The following PHF6 variants were observed in gnomAD, a reference collection of about 807,000 sequenced individuals.
The protein encoded by PHF6 is PHD finger protein 6.
In PHF6, 7 loss-of-function variants were observed where a neutral mutation model predicts 34.0. The ratio of observed to expected loss-of-function variants is 0.21; its 90% CI spans 0.12 to 0.39. The LOEUF is 0.39. PHF6 is among the 10% of genes least tolerant of loss of function. PHF6 has a pLI of 1.00. For missense variants in PHF6, 128 were observed against 262.8 expected, an observed-to-expected ratio of 0.49 and a Z score of 3.55; for synonymous variants, 89 against 88.4, an observed-to-expected ratio of 1.01 and a Z score of -0.04.
intron 2 of PHF6, 29 bp from the exon 3 acceptor site, chrX:134,377,976 C>A (rs1273040144): frequency 9.3e-7 from 1 of 1,075,880 alleles, no homozygotes; most frequent in African/African-American, 1.9e-5. Context: ...TATATATGAA[C>A]CTTAATTTTT....
rs2124248594 is a variant in PHF6, at chrX:134,413,671, A to C, written c.585+14A>C. 3 of 1,207,607 alleles carry C rather than the reference A, an allele frequency of 2.5e-6. No individual in the cohort carries two copies. Among genetic ancestry groups the C allele is most frequent in the Admixed American group, 2.2e-5 (1 of 45,990 alleles). ...AGTAGTTCCTATGTAAGTAAAAAAA[A>C]CTGTTGGATTCTTACTTTTGTTGCA... On this transcript the variant is annotated intron_variant, in intron 6 of 10. Coordinates refer to ENST00000370803, the MANE Select transcript of PHF6 (RefSeq NM_001015877.2).
chrX:134,394,962 C>T (rs2077371388), intron 5 of PHF6, among the ~76,000 whole-genome samples: 2 of 109,056 alleles, frequency 1.8e-5, no homozygotes, highest in Admixed American at 9.8e-5. Context: ...AAGCGATTCT[C>T]CTGCCTCGGC....
intron 4 of PHF6, 70 bp from the exon 5 acceptor site, chrX:134,393,839 G>A (rs2077365254): frequency 2.1e-5 from 22 of 1,033,152 alleles, no homozygotes; most frequent in East Asian, 9.1e-5. Flanking sequence ...TGTACTGCTC[G>A]TTTTCTTAAT....
At chrX:134,383,230 G>A (rs1388334794) in intron 3 of PHF6, among the ~76,000 whole-genome samples, 6 of 105,742 alleles carry the variant, frequency 5.7e-5, no homozygotes, top group African/African-American at 2.1e-4. Flanking sequence ...GTGATAAAGT[G>A]AGGTCCTGTC....
chrX:134,389,805 T>C (rs2077345786), intron 3 of PHF6, among the ~76,000 whole-genome samples: 2 of 111,626 alleles, frequency 1.8e-5, no homozygotes, highest in Non-Finnish European at 3.8e-5. Flanking sequence ...TCAGAATGTT[T>C]AAATATTTTT....
In PHF6 at chrX:134,417,562, A is replaced by AT; in HGVS notation, c.968+260_968+261insT. 1.0e-5 allele frequency: 3 copies of AT among 294,043 alleles called. No homozygotes were observed. In the Middle Eastern group the frequency reaches 3.2e-3, roughly 316 times the overall value. The allele number at this position is 294,043 out of a possible 1,213,427, so 24.2% of individuals were successfully genotyped here. A position where few individuals can be genotyped will look rare whatever the true frequency, so the allele number is the denominator to read the frequency against. On this transcript the variant is annotated intron_variant, in intron 9 of 10. Coordinates refer to ENST00000370803, the MANE Select transcript of PHF6 (RefSeq NM_001015877.2). ...TGAAGCTGGGCATATGCCAGTGATC[A>AT]AAACTACATACACTGGGCCGGGTGC...
At chrX:134,377,844 CAAAA>C in intron 2 of PHF6, 89 bp downstream of exon 2, 4 of 980,007 alleles carry the variant, frequency 4.1e-6, no homozygotes, top group Non-Finnish European at 4.2e-6. Context: ...AAAAAAAAAA[CAAAA>C]ACCAAAAAAA....
chrX:134,424,567 G>T (rs894833386), intron 9 of PHF6, among the ~76,000 whole-genome samples: 2 of 112,013 alleles, frequency 1.8e-5, no homozygotes, highest in Non-Finnish European at 3.8e-5. Context: ...TCCAGAATTT[G>T]CTACAGTTGA....
intron 5 of PHF6, among the ~76,000 whole-genome samples, chrX:134,400,113 C>G (rs2077396949): frequency 9.0e-6 from 1 of 111,459 alleles, no homozygotes; most frequent in African/African-American, 3.3e-5. Context: ...GGGTCTCACT[C>G]TATCACGCAG....
chrX:134,402,618 C>T (rs781349481), intron 5 of PHF6, among the ~76,000 whole-genome samples: 4 of 111,571 alleles, frequency 3.6e-5, no homozygotes, highest in Non-Finnish European at 5.6e-5. Context: ...AAAAATAATG[C>T]GTGTACAACT....
At chrX:134,402,465 T>C (rs927526552) in intron 5 of PHF6, among the ~76,000 whole-genome samples, 2 of 112,005 alleles carry the variant, frequency 1.8e-5, no homozygotes, top group Admixed American at 1.9e-4. Flanking sequence ...TGTATTTGAA[T>C]CTTAGCTCTG....
intron 5 of PHF6, among the ~76,000 whole-genome samples, chrX:134,395,115 A>G (rs1228224484): frequency 2.7e-5 from 3 of 111,236 alleles, no homozygotes; most frequent in Non-Finnish European, 5.7e-5. Flanking sequence ...GGCCTCCCAA[A>G]GTGCTGGGAT....
intron 5 of PHF6, among the ~76,000 whole-genome samples, chrX:134,412,483 T>C (rs1366816789): frequency 8.9e-6 from 1 of 111,784 alleles, no homozygotes; most frequent in African/African-American, 3.2e-5. Flanking sequence ...TGCTTTCTCA[T>C]TGAGAAATTA....
rs1264141469 is a variant in PHF6 at position 134,427,214 on chromosome X, A to T, written c.*1554A>T. 5 of 162,860 alleles carry T rather than the reference A, an allele frequency of 3.1e-5. No homozygotes were observed. The highest frequency in any genetic ancestry group is 6.0e-5 in the African/African-American group (2 of 33,285). The allele number at this position is 162,860 out of a possible 1,213,427, so 13.4% of individuals were successfully genotyped here. A position where few individuals can be genotyped will look rare whatever the true frequency, so the allele number is the denominator to read the frequency against. On this transcript the variant is annotated 3_prime_UTR_variant, in exon 11 of 11. Transcript: ENST00000370803. ...TAGCTTTAGTAGTGGGTTGCCCTGT[A>T]TGTTTTCTCTTTTTGCTCTTAATAT...
chrX:134,378,044 G>T lies in PHF6; in HGVS notation c.178G>T (p.Glu60Ter). The change falls in exon 3 of 11, where the codon GAA becomes TAA. Residue 60 changes from glutamate to a stop codon, truncating the protein, a stop_gained. Transcript: ENST00000370803. LOFTEE classifies it high-confidence loss of function. Reference protein sequence around the residue: ...SALVSSHSDNESLGGFSIEDV... With the variant: ...SALVSSHSDN ...TTTGGTATCATCACACTCTGATAAT[G>T]AAAGTCTTGGTGGATTTTCTATTGA... is the stretch of plus-strand genomic sequence containing the variant. 8.3e-7 allele frequency: 1 copy of T among 1,202,947 alleles called. No individual in the cohort carries two copies. The highest frequency in any genetic ancestry group is 1.8e-5 in the South Asian group (1 of 55,502).
At chrX:134,392,821 A>G (rs961500828) in intron 3 of PHF6, among the ~76,000 whole-genome samples, 1 of 106,201 alleles carries the variant, frequency 9.4e-6, no homozygotes, top group African/African-American at 3.5e-5. Flanking sequence ...TTTTTTTTAG[A>G]CGGAGTCTCG....
At chrX:134,375,811 A>G (rs1208385950) in intron 1 of PHF6, among the ~76,000 whole-genome samples, 2 of 112,422 alleles carry the variant, frequency 1.8e-5, no homozygotes, top group East Asian at 5.5e-4. Context: ...CTCTTGATAA[A>G]GCAACCGAAC....
chrX:134,416,531 A>T lies in PHF6; in HGVS notation c.835-638A>T, dbSNP rs773475712. Among the ~76,000 whole-genome samples the T allele has an allele frequency of 8.3e-4, 93 of 111,409 alleles. 1 individual carries two copies. The highest frequency in any genetic ancestry group is 1.5e-3 in the Non-Finnish European group (79 of 53,042). On this transcript the variant is annotated intron_variant, in intron 8 of 10. Transcript: ENST00000370803. Reference sequence around the variant, plus strand: ...ATAAAAGGGCATCTAGATTTCAATAAACTTGAAAACTGTTTACTCTGTGCC... The same window carrying T: ...ATAAAAGGGCATCTAGATTTCAATATACTTGAAAACTGTTTACTCTGTGCC...
In PHF6 at chrX:134,405,312, C is replaced by T. The variant is rs1335909004; in HGVS notation, c.419-8179C>T. Among the ~76,000 whole-genome samples, 27 of 111,262 alleles carry T rather than the reference C, an allele frequency of 2.4e-4. No individual in the cohort carries two copies. In the Admixed American group the frequency reaches 2.5e-3, roughly 10 times the overall value. ...CCACCTCCCGGGTTCAAGCGATCCT[C>T]CCACCTCAGCCAAGTAGCTGGGATT... On this transcript the variant is annotated intron_variant, in intron 5 of 10. Coordinates refer to ENST00000370803, the MANE Select transcript of PHF6 (RefSeq NM_001015877.2).
Sources: gnomAD v4.1 joint callset for allele counts (sites outside exome capture counted in the v4.1 genomes callset) on GRCh38, gnomAD v4.1.1 for gene constraint, MANE v1.5 for transcripts, NCBI Gene and HGNC (gene_info 2026-07-23, HGNC 2026-07-21) for gene names.